IQCJ: variants seen among roughly 807,000 people sequenced by gnomAD.
IQCJ encodes the protein IQ domain-containing protein J.
In IQCJ, 9 loss-of-function variants were observed where a neutral mutation model predicts 11.0. The ratio of observed to expected loss-of-function variants is 0.82; its 90% CI spans 0.49 to 1.43. The LOEUF is 1.43. Ranked by LOEUF, IQCJ falls within the 40% of genes most tolerant of loss-of-function variation. The pLI is 0.00. For missense variants in IQCJ, 146 were observed against 133.2 expected (o/e 1.10, Z -0.47); for synonymous variants, 55 against 51.3 (o/e 1.07, Z -0.31).
intron 1 of IQCJ, among the ~76,000 whole-genome samples, chr3:159,226,518 C>T (rs1416026285): frequency 6.6e-6 from 1 of 152,114 alleles, no homozygotes; most frequent in African/African-American, 2.4e-5. Context: ...ATATATATTT[C>T]TAGTTATATC....
intron 1 of IQCJ, among the ~76,000 whole-genome samples, chr3:159,237,811 A>G (rs560434448): frequency 1.3e-5 from 2 of 152,354 alleles, no homozygotes; most frequent in African/African-American, 4.8e-5. Flanking sequence ...AAGATTAATT[A>G]TCAAACACAC....
intron 1 of IQCJ, among the ~76,000 whole-genome samples, chr3:159,221,196 C>A (rs1725518490): frequency 6.6e-6 from 1 of 152,050 alleles, no homozygotes; most frequent in Non-Finnish European, 1.5e-5. Context: ...AAATGTCCAC[C>A]ATTCTATGTG....
At chr3:159,210,424 A>T (rs1288817492) in intron 1 of IQCJ, among the ~76,000 whole-genome samples, 1 of 152,162 alleles carries the variant, frequency 6.6e-6, no homozygotes, top group Non-Finnish European at 1.5e-5. Flanking sequence ...GTAGAAGTTA[A>T]TTTGAGTTAT....
At chr3:159,237,503 A>G (rs1335410656) in intron 1 of IQCJ, among the ~76,000 whole-genome samples, 1 of 152,230 alleles carries the variant, frequency 6.6e-6, no homozygotes, top group Non-Finnish European at 1.5e-5. Flanking sequence ...GTTACTTTAG[A>G]ACAACTCTTA....
At chr3:159,264,683 G>A (rs1728403740), downstream of IQCJ, among the ~76,000 whole-genome samples, 1 of 152,080 alleles carries the variant, frequency 6.6e-6, no homozygotes, top group Non-Finnish European at 1.5e-5. Flanking sequence ...AGGCTGAGGT[G>A]GGCAGATCGC....
chr3:159,069,716 G>T, intron 1 of IQCJ: 1 of 570,978 alleles, frequency 1.8e-6, no homozygotes, highest in Non-Finnish European at 3.2e-6. Context: ...CACTTCCTAT[G>T]AACATCCAGA....
intron 1 of IQCJ, among the ~76,000 whole-genome samples, chr3:159,169,573 A>T (rs1367437114): frequency 6.6e-6 from 1 of 152,062 alleles, no homozygotes; most frequent in African/African-American, 2.4e-5. Flanking sequence ...TACAGGCATG[A>T]GCCACCGCAC....
chr3:159,235,478 T>C (rs1399384317), intron 1 of IQCJ, among the ~76,000 whole-genome samples: 1 of 152,178 alleles, frequency 6.6e-6, no homozygotes, highest in East Asian at 1.9e-4. Flanking sequence ...GCCTGAAGGG[T>C]ATTTTTCAAA....
chr3:159,091,067 A>C (rs897275245), intron 1 of IQCJ, among the ~76,000 whole-genome samples: 2 of 151,706 alleles, frequency 1.3e-5, no homozygotes, highest in Non-Finnish European at 2.9e-5. Flanking sequence ...GACCTATGGA[A>C]ACCCTAACTT....
intron 1 of IQCJ, among the ~76,000 whole-genome samples, chr3:159,091,979 G>A (rs1717344862): frequency 6.6e-6 from 1 of 151,560 alleles, no homozygotes; most frequent in Non-Finnish European, 1.5e-5. Context: ...AGTGTCAATG[G>A]ATGCTAAAAT....
At chr3:159,084,444 T>C in intron 1 of IQCJ, among the ~76,000 whole-genome samples, 1 of 152,096 alleles carries the variant, frequency 6.6e-6, no homozygotes, top group East Asian at 1.9e-4. Flanking sequence ...TTTGATGAGC[T>C]TGCCCAGCGA....
At chr3:159,130,309 A>C (rs1478093286) in intron 1 of IQCJ, among the ~76,000 whole-genome samples, 3 of 152,138 alleles carry the variant, frequency 2.0e-5, no homozygotes, top group East Asian at 3.9e-4. Context: ...ACGGGGAGGC[A>C]GTATGTGATG....
At chr3:159,115,465 C>A (rs1436957883) in intron 1 of IQCJ, among the ~76,000 whole-genome samples, 1 of 151,628 alleles carries the variant, frequency 6.6e-6, no homozygotes, top group Admixed American at 6.5e-5. Flanking sequence ...AGCTGTGCAC[C>A]CAGAAAGAGT....
At chr3:159,079,693 A>T (rs1257642907) in intron 1 of IQCJ, among the ~76,000 whole-genome samples, 2 of 152,088 alleles carry the variant, frequency 1.3e-5, no homozygotes, top group Non-Finnish European at 2.9e-5. Context: ...GGAATATATC[A>T]TGTACATCTT....
chr3:159,160,245 G>A (rs150645430), intron 1 of IQCJ, among the ~76,000 whole-genome samples: 6 of 152,144 alleles, frequency 3.9e-5, no homozygotes, highest in Non-Finnish European at 8.8e-5. Flanking sequence ...GGGGGAGGAG[G>A]TACTCATTAT....
At chr3:159,194,253 C>A (rs1206094693) in intron 1 of IQCJ, among the ~76,000 whole-genome samples, 1 of 152,134 alleles carries the variant, frequency 6.6e-6, no homozygotes, top group Non-Finnish European at 1.5e-5. Context: ...CCTGATAATC[C>A]ATCCTTAATT....
intron 1 of IQCJ, among the ~76,000 whole-genome samples, chr3:159,195,550 A>G (rs1243121136): frequency 6.6e-6 from 1 of 152,186 alleles, no homozygotes; most frequent in East Asian, 1.9e-4. Context: ...TGATGTCCCT[A>G]TTACAAGTTT....
At chr3:159,122,369 G>A (rs958777654) in intron 1 of IQCJ, among the ~76,000 whole-genome samples, 1 of 152,142 alleles carries the variant, frequency 6.6e-6, no homozygotes, top group Non-Finnish European at 1.5e-5. Context: ...GCCACTTGGA[G>A]GAACTGTTCG....
chr3:159,088,169 C>A (rs534413513), intron 1 of IQCJ, among the ~76,000 whole-genome samples: 1 of 152,020 alleles, frequency 6.6e-6, no homozygotes, highest in Non-Finnish European at 1.5e-5. Context: ...CCTTCATTTC[C>A]TTATGTACCC....
Sources: allele counts gnomAD v4.1 joint callset (sites outside exome capture counted in the v4.1 genomes callset), GRCh38; gene constraint gnomAD v4.1.1; transcripts MANE v1.5; gene names NCBI Gene and HGNC (gene_info 2026-07-23, HGNC 2026-07-21).